The following CAD variants were observed in gnomAD, a reference collection of about 807,000 sequenced individuals.
CAD encodes multifunctional protein CAD.
In CAD, 81 loss-of-function variants were observed where a neutral mutation model predicts 237.2. The ratio of observed to expected loss-of-function variants is 0.34; its 90% CI spans 0.29 to 0.41. The LOEUF (loss-of-function observed/expected upper bound fraction) is 0.41. Ranked by LOEUF, CAD falls within the 10% of genes least tolerant of loss-of-function variation. The probability of loss-of-function intolerance (pLI) is 1.00; values close to 1 mark genes in which losing one functional copy is unlikely to be tolerated. For missense variants in CAD, 2,181 were observed against 2,951.7 expected (o/e 0.74, Z 6.05); for synonymous variants, 1,196 against 1,162.8 (o/e 1.03, Z -0.58).
At chr2:27,218,154 G>A (rs1674964694) in intron 2 of CAD, 138 bp downstream of exon 2, 2 of 709,406 alleles carry the variant, frequency 2.8e-6, no homozygotes, top group African/African-American at 1.9e-5. Flanking sequence ...CAAGGACTAA[G>A]ATCACTAGTA....
chr2:27,243,886 G>A lies in CAD; in HGVS notation c.*368G>A, dbSNP rs1451757968. ...GGCAGGGCTCTGGCTAGGGCTGCGTGCCCACACTCGGCATTTTCACACTCG... is the reference window on the plus strand; with the variant it reads ...GGCAGGGCTCTGGCTAGGGCTGCGTACCCACACTCGGCATTTTCACACTCG... On this transcript the variant is annotated 3_prime_UTR_variant, in exon 44 of 44. Transcript: ENST00000264705. 4.7e-6 allele frequency: 1 copy of A among 212,838 alleles called. No homozygotes were observed. The highest frequency in any genetic ancestry group is 2.3e-5 in the African/African-American group (1 of 43,322). The allele number at this position is 212,838 out of a possible 1,614,324, so 13.2% of individuals were successfully genotyped here. A position where few individuals can be genotyped will look rare whatever the true frequency, so the allele number is the denominator to read the frequency against.
chr2:27,243,599 T>C lies in CAD; in HGVS notation c.*81T>C. ...AGTGCCTCCTACGGGGGCAGCACAC[T>C]TAGATATTCCTGGACATCCAGATAG... On this transcript the variant is annotated 3_prime_UTR_variant, in exon 44 of 44. Transcript: ENST00000264705. The C allele has an allele frequency of 9.4e-7, 1 of 1,060,300 alleles. No individual in the cohort carries two copies. Among genetic ancestry groups the C allele is most frequent in the Non-Finnish European group, 1.4e-6 (1 of 710,398 alleles). The allele number at this position is 1,060,300 out of a possible 1,614,324, so 65.7% of individuals were successfully genotyped here.
At position 27,231,563 on chromosome 2, in the gene CAD, A is replaced by G. The variant is rs1006937374; in HGVS notation, c.2383A>G (p.Lys795Glu). 6 of 1,611,396 alleles carry G rather than the reference A, an allele frequency of 3.7e-6. No individual in the cohort carries two copies. Among genetic ancestry groups the G allele is most frequent in the Non-Finnish European group, 5.1e-6 (6 of 1,177,650 alleles). ...CTGTGTGGGCTTTGATCACACAGTG[A>G]AACCAGTCAGCGATATGGTAAGTAG... is the stretch of plus-strand genomic sequence containing the variant. ...ENCVGFDHTV[K>E]PVSDMELETP... The change falls in exon 16 of 44, where the codon AAA (lysine) becomes GAA (glutamate). Residue 795 changes from lysine to glutamate, a missense_variant. Around this residue, in one of 12 missense-constraint regions of CAD, gnomAD observed 385 missense variants for 535.1 expected, o/e 0.72. Transcript: ENST00000264705.
chr2:27,228,515 C>T (rs551486869), intron 15 of CAD, among the ~76,000 whole-genome samples: 1 of 152,314 alleles, frequency 6.6e-6, no homozygotes, highest in African/African-American at 2.4e-5. Flanking sequence ...CTTGAGCCCA[C>T]GAGTTCAAGG....
rs1161315564 is a variant in CAD at position 27,242,741 on chromosome 2, T to G, written c.6344T>G (p.Val2115Gly). 1 of 1,614,082 alleles carries G rather than the reference T, an allele frequency of 6.2e-7. No individual in the cohort carries two copies. Among genetic ancestry groups the G allele is most frequent in the Non-Finnish European group, 8.5e-7 (1 of 1,180,038 alleles). Reference sequence around the variant, plus strand: ...CCCAGCCTGCGCATGCCACCCACTGTGCGGGCCTTCGTGGCCTCCCGCGGC... The same window carrying G: ...CCCAGCCTGCGCATGCCACCCACTGGGCGGGCCTTCGTGGCCTCCCGCGGC... ...APPSLRMPPT[V>G]RAFVASRGTK... The change falls in exon 41 of 44, where the codon GTG (valine) becomes GGG (glycine). Residue 2115 changes from valine (V) to glycine (G), a missense_variant. Physicochemically the swap from Val to Gly is moderately radical, Grantham distance 109. Coordinates refer to ENST00000264705, the MANE Select transcript of CAD (RefSeq NM_004341.5). This position sits in a 1 kb window ranked among gnomAD's most constrained non-coding sequence, Gnocchi z 6.4.
chr2:27,234,280 C>A, intron 22 of CAD, 54 bp downstream of exon 22: 1 of 1,515,784 alleles, frequency 6.6e-7, no homozygotes, highest in African/African-American at 1.4e-5. Context: ...ATGTTCTGTG[C>A]TGGCCACAGT....
At position 27,241,440 on chromosome 2, in the gene CAD, C is replaced by G; in HGVS notation, c.5883+44C>G. 1.3e-6 allele frequency: 2 copies of G among 1,597,008 alleles called. No homozygotes were observed. Among genetic ancestry groups the G allele is most frequent in the Non-Finnish European group, 1.7e-6 (2 of 1,164,690 alleles). ...GGTAGGGTCCAGGCCATCGCCTGCCCTTGGGCCGCATCAGCGCAGGGCCGC... is the reference window on the plus strand; with the variant it reads ...GGTAGGGTCCAGGCCATCGCCTGCCGTTGGGCCGCATCAGCGCAGGGCCGC... On this transcript the variant is annotated intron_variant, in intron 38 of 43. Coordinates refer to ENST00000264705, the MANE Select transcript of CAD (RefSeq NM_004341.5). The surrounding 1 kb of genome is among the most constrained non-coding windows in gnomAD (Gnocchi z 4.6).
rs1675210302 is a variant in CAD at position 27,222,283 on chromosome 2, C to T, written c.442C>T (p.Leu148=). ...LVQNGTEPSS[L]PFLDPNARPL... Reference sequence around the variant, plus strand: ...CCAGAATGGAACAGAACCTTCATCCCTGCCATTCTTGGACCCCAATGCCCG... The same window carrying T: ...CCAGAATGGAACAGAACCTTCATCCTTGCCATTCTTGGACCCCAATGCCCG... The change falls in exon 4 of 44, where the codon CTG becomes TTG. Residue 148 remains leucine (L), a synonymous_variant. Transcript: ENST00000264705. 6.2e-7 allele frequency: 1 copy of T among 1,613,908 alleles called. No individual in the cohort carries two copies. The highest frequency in any genetic ancestry group is 8.5e-7 in the Non-Finnish European group (1 of 1,179,840).
intron 11 of CAD, among the ~76,000 whole-genome samples, 156 bp from the exon 12 acceptor site, chr2:27,225,549 A>ACCCCCCCCCCCCCCCCCCCCCCCCCC (rs10636656): frequency 6.9e-6 from 1 of 145,408 alleles, no homozygotes; most frequent in Non-Finnish European, 1.5e-5. Flanking sequence ...CAGGTGATCC[A>ACCCCCCCCCCCCCCCCCCCCCCCCCC]CCCCCCCGAC....
In CAD at chr2:27,243,537, T is replaced by C. The variant is rs768898407; in HGVS notation, c.*19T>C. On this transcript the variant is annotated 3_prime_UTR_variant, in exon 44 of 44. Coordinates refer to ENST00000264705, the MANE Select transcript of CAD (RefSeq NM_004341.5). ...TTTCTAGGGCCTGGCTTCCTCAGCC[T>C]CTTCTCTTTAGGCCCAGCTGCTGGG... 1 of 1,563,340 alleles carries C rather than the reference T, an allele frequency of 6.4e-7. No individual in the cohort carries two copies. Among genetic ancestry groups the C allele is most frequent in the South Asian group, 1.2e-5 (1 of 85,764 alleles).
chr2:27,230,004 G>A lies in CAD; in HGVS notation c.2288-1464G>A, dbSNP rs148209185. 8.3e-3 allele frequency among the ~76,000 whole-genome samples: 1,270 copies of A among 152,148 alleles called. 11 individuals are homozygous for A. Among genetic ancestry groups the A allele is most frequent in the African/African-American group, 0.019 (772 of 41,522 alleles). ...TGTAATCCCAGCACTTTGGGAGGCC[G>A]AGGCAGGTGGATCACCTGAGGTTGG... is the stretch of plus-strand genomic sequence containing the variant. On this transcript the variant is annotated intron_variant, in intron 15 of 43. Coordinates refer to ENST00000264705, the MANE Select transcript of CAD (RefSeq NM_004341.5).
intron 2 of CAD, among the ~76,000 whole-genome samples, chr2:27,220,011 C>G (rs1056495864): frequency 3.3e-5 from 5 of 152,130 alleles, no homozygotes; most frequent in African/African-American, 1.2e-4. Context: ...AGTTTTTAAT[C>G]ACACTCTATA....
chr2:27,232,839 T>A lies in CAD; in HGVS notation c.2892+145T>A. 9.9e-7 allele frequency: 1 copy of A among 1,006,124 alleles called. No individual in the cohort carries two copies. Among genetic ancestry groups the A allele is most frequent in the Non-Finnish European group, 1.5e-6 (1 of 663,778 alleles). 62.3% of individuals were successfully genotyped at this position (1,006,124 alleles called of 1,614,324 possible). A position where few individuals can be genotyped will look rare whatever the true frequency, so the allele number is the denominator to read the frequency against. ...GGGGTGGGGGTCCTTTTAGGCCATC[T>A]CTCATGCCCCACACGGTATATGAAT... On this transcript the variant is annotated intron_variant, in intron 18 of 43. Coordinates refer to ENST00000264705, the MANE Select transcript of CAD (RefSeq NM_004341.5). This position sits in a 1 kb window ranked among gnomAD's most constrained non-coding sequence, Gnocchi z 4.1.
chr2:27,223,900 T>C lies in CAD; in HGVS notation c.996-17T>C, dbSNP rs1165316063. 1.9e-6 allele frequency: 3 copies of C among 1,596,936 alleles called. No individual in the cohort carries two copies. Among genetic ancestry groups the C allele is most frequent in the Admixed American group, 3.3e-5 (2 of 60,012 alleles). On this transcript the variant is annotated splice_polypyrimidine_tract_variant and intron_variant, in intron 7 of 43. Transcript: ENST00000264705. ...CCAGGGACCATGATGGTTTTCATGATGCAATCTCTTCAATAGTGTCCAGTT... is the reference window on the plus strand; with the variant it reads ...CCAGGGACCATGATGGTTTTCATGACGCAATCTCTTCAATAGTGTCCAGTT...
In CAD at chr2:27,233,552, G is replaced by T. The variant is rs753172896; in HGVS notation, c.3216+16G>T. 4 of 1,613,894 alleles carry T rather than the reference G, an allele frequency of 2.5e-6. No homozygotes were observed. The highest frequency in any genetic ancestry group is 3.4e-6 in the Non-Finnish European group (4 of 1,179,870). ...TGACCTCGAGGTGGGCTGGGACCTG[G>T]TGGGTTACCCGGAGGCTGGATGATG... On this transcript the variant is annotated intron_variant, in intron 20 of 43. Coordinates refer to ENST00000264705, the MANE Select transcript of CAD (RefSeq NM_004341.5). This position sits in a 1 kb window ranked among gnomAD's most constrained non-coding sequence, Gnocchi z 6.3.
chr2:27,242,180 G>A lies in CAD; in HGVS notation c.6096+57G>A, dbSNP rs541829811. Reference sequence around the variant, plus strand: ...AAGAAGGCTGGACCCAGGGGCATGAGAACCCTTCTGCCCACGTTTTCTGTG... The same window carrying A: ...AAGAAGGCTGGACCCAGGGGCATGAAAACCCTTCTGCCCACGTTTTCTGTG... On this transcript the variant is annotated intron_variant, in intron 39 of 43. Coordinates refer to ENST00000264705, the MANE Select transcript of CAD (RefSeq NM_004341.5). This position sits in a 1 kb window ranked among gnomAD's most constrained non-coding sequence, Gnocchi z 6.4. 759 of 1,596,108 alleles carry A rather than the reference G, an allele frequency of 4.8e-4. No individual in the cohort carries two copies. The highest frequency in any genetic ancestry group is 6.2e-4 in the Non-Finnish European group (725 of 1,168,504).
chr2:27,225,552 C>CCCG lies in CAD; in HGVS notation c.1621-151_1621-150insGCC, dbSNP rs200518617. On this transcript the variant is annotated intron_variant, in intron 11 of 43. Coordinates refer to ENST00000264705, the MANE Select transcript of CAD (RefSeq NM_004341.5). ...AACTCCTGACCTCAGGTGATCCACC[C>CCCG]CCCCGACCCTCGGCCTCCCAAATTG... Among the ~76,000 whole-genome samples, 56 of 149,292 alleles carry CCCG rather than the reference C, an allele frequency of 3.8e-4. No individual in the cohort carries two copies. The South Asian group carries it at 7.8e-3, about 21-fold the overall frequency.
intron 15 of CAD, among the ~76,000 whole-genome samples, 158 bp from the exon 16 acceptor site, chr2:27,231,310 A>C (rs1479130992): frequency 6.6e-6 from 1 of 152,194 alleles, no homozygotes; most frequent in Non-Finnish European, 1.5e-5. Flanking sequence ...CCGGCCATTA[A>C]GATTTCTTAG....
At chr2:27,217,703 G>A in intron 1 of CAD, 70 bp downstream of exon 1, 1 of 1,438,292 alleles carries the variant, frequency 7.0e-7, no homozygotes. Flanking sequence ...AACCTTCCCC[G>A]TCCAGACCCC....
Sources: gnomAD v4.1 joint callset for allele counts (sites outside exome capture counted in the v4.1 genomes callset) on GRCh38, gnomAD v4.1.1 for gene constraint, gnomAD v4.1.1 regional missense constraint, Gnocchi (gnomAD v3.1) non-coding constraint, MANE v1.5 for transcripts, NCBI Gene and HGNC (gene_info 2026-07-23, HGNC 2026-07-21) for gene names.